YES1: variants seen among roughly 807,000 people sequenced by gnomAD.
YES1 encodes the protein YES proto-oncogene 1, Src family tyrosine kinase.
Under a neutral mutation model 70.4 loss-of-function variants are expected in YES1, and 39 were observed. That is an observed-to-expected ratio of 0.55 (90% CI 0.43 to 0.72). The LOEUF is 0.72. Among genes scored for constraint, YES1 ranks in the 30% least tolerant of loss-of-function variants. The probability of loss-of-function intolerance (pLI) is 0.00; values close to 1 mark genes in which losing one functional copy is unlikely to be tolerated. For missense variants in YES1, 495 were observed against 644.8 expected, an observed-to-expected ratio of 0.77 and a Z score of 2.52; for synonymous variants, 198 against 218.6, an observed-to-expected ratio of 0.91 and a Z score of 0.83.
rs868296181 is a variant in YES1, at chr18:732,450, A to C, written c.1423+384T>G. Among the ~76,000 whole-genome samples, 1,239 of 146,640 alleles carry C rather than the reference A, an allele frequency of 8.4e-3. 18 individuals carry two copies. Among genetic ancestry groups the C allele is most frequent in the African/African-American group, 0.029 (1,152 of 39,526 alleles). On this transcript the variant is annotated intron_variant, in intron 11 of 11. Transcript: ENST00000314574. ...AGACTGTGTTTAAAAAAAAAAAAAA[A>C]AAAAAAACAAAACACCAATCACACT...
At position 759,547 on chromosome 18, in the gene YES1, T is replaced by C. The variant is rs560792970; in HGVS notation, c.-8-2712A>G. Among the ~76,000 whole-genome samples the C allele has an allele frequency of 1.2e-3, 190 of 152,288 alleles. 2 individuals are homozygous for C. Among genetic ancestry groups the C allele is most frequent in the African/African-American group, 4.4e-3 (184 of 41,554 alleles). On this transcript the variant is annotated intron_variant, in intron 1 of 11. Coordinates refer to ENST00000314574, the MANE Select transcript of YES1 (RefSeq NM_005433.4). ...TTTGTATCTATGAGTTCTGCATCCA[T>C]GGATTCAGCCAAGATTCAAAAGTTT... is the stretch of plus-strand genomic sequence containing the variant.
intron 1 of YES1, among the ~76,000 whole-genome samples, chr18:795,687 T>A (rs535175889): frequency 1.5e-5 from 2 of 131,268 alleles, no homozygotes; most frequent in South Asian, 2.2e-4. Flanking sequence ...TTCTCACTTA[T>A]AAGTGGGAGA....
intron 2 of YES1, among the ~76,000 whole-genome samples, chr18:752,222 C>T (rs1484537035): frequency 6.6e-6 from 1 of 152,222 alleles, no homozygotes; most frequent in Non-Finnish European, 1.5e-5. Flanking sequence ...ATTCTCATGC[C>T]TCAGCTTCCC....
chr18:764,254 C>T (rs560612815), intron 1 of YES1, among the ~76,000 whole-genome samples: 1 of 152,258 alleles, frequency 6.6e-6, no homozygotes, highest in East Asian at 1.9e-4. Context: ...CTGAGTCTCA[C>T]TCTTGTTGCC....
chr18:767,636 G>A (rs1181428505), intron 1 of YES1, among the ~76,000 whole-genome samples: 1 of 152,110 alleles, frequency 6.6e-6, no homozygotes, highest in Non-Finnish European at 1.5e-5. Flanking sequence ...TGTCAATGAC[G>A]ATAGTCGTCA....
At chr18:772,685 G>A (rs994827597) in intron 1 of YES1, among the ~76,000 whole-genome samples, 1 of 152,098 alleles carries the variant, frequency 6.6e-6, no homozygotes, top group African/African-American at 2.4e-5. Flanking sequence ...ACCTGCCTCG[G>A]CCTCTCAAAG....
chr18:773,681 T>C (rs934235840), intron 1 of YES1, among the ~76,000 whole-genome samples: 5 of 152,234 alleles, frequency 3.3e-5, no homozygotes, highest in Non-Finnish European at 7.3e-5. Flanking sequence ...GCTTCTTTTC[T>C]TTCCACATAA....
intron 1 of YES1, among the ~76,000 whole-genome samples, chr18:764,579 G>A (rs139569872): frequency 6.6e-6 from 1 of 152,222 alleles, no homozygotes; most frequent in East Asian, 1.9e-4. Context: ...AGAGGACAGA[G>A]GAAAAGATTT....
At chr18:798,863 T>C (rs959342939) in intron 1 of YES1, among the ~76,000 whole-genome samples, 1 of 152,220 alleles carries the variant, frequency 6.6e-6, no homozygotes, top group East Asian at 1.9e-4. Context: ...CTGTCTTTCC[T>C]GCTACTTTTA....
At chr18:785,750 G>C (rs1471425377) in intron 1 of YES1, among the ~76,000 whole-genome samples, 1 of 151,064 alleles carries the variant, frequency 6.6e-6, no homozygotes, top group African/African-American at 2.4e-5. Context: ...ACCAGTCTAA[G>C]CCCAGTGAGA....
chr18:742,222 GAA>G (rs1484217332), intron 8 of YES1, among the ~76,000 whole-genome samples: 1 of 152,124 alleles, frequency 6.6e-6, no homozygotes, highest in Non-Finnish European at 1.5e-5. Flanking sequence ...GGAAAAAGAG[GAA>G]AGAGTATCAA....
chr18:732,960 T>G lies in YES1; in HGVS notation c.1297A>C (p.Lys433Gln). Residue 433 changes from lysine (K) to glutamine (Q), a missense_variant, in exon 11 of 12, where the codon AAA (lysine) becomes CAA (glutamine). Physicochemically the swap from Lys to Gln is moderately conservative, Grantham distance 53. Transcript: ENST00000314574. ...GGAGCTGTCCATTTGATTGGAAATTTTGCACCTAAAATAATGTTGACCATC... is the reference window on the plus strand; with the variant it reads ...GGAGCTGTCCATTTGATTGGAAATTGTGCACCTAAAATAATGTTGACCATC... ...DNEYTARQGA[K>Q]FPIKWTAPEA... The G allele has an allele frequency of 6.2e-7, 1 of 1,614,152 alleles. No homozygotes were observed. Among genetic ancestry groups the G allele is most frequent in the Non-Finnish European group, 8.5e-7 (1 of 1,180,010 alleles).
intron 1 of YES1, among the ~76,000 whole-genome samples, chr18:811,534 G>A (rs1434154995): frequency 6.6e-6 from 1 of 152,152 alleles, no homozygotes; most frequent in Non-Finnish European, 1.5e-5. Flanking sequence ...GCATGATTCC[G>A]TAAAAGTGGA....
chr18:745,106 C>T (rs2080264030), intron 6 of YES1, among the ~76,000 whole-genome samples: 1 of 152,058 alleles, frequency 6.6e-6, no homozygotes, highest in African/African-American at 2.4e-5. Context: ...GGAAACATCC[C>T]CTCTCCTAGT....
chr18:773,204 CA>C (rs1905232308), intron 1 of YES1, among the ~76,000 whole-genome samples: 1 of 152,178 alleles, frequency 6.6e-6, no homozygotes, highest in Non-Finnish European at 1.5e-5. Flanking sequence ...GAGATGAAGT[CA>C]AAAATCTGGA....
At chr18:746,957 G>C (rs2080288056) in intron 4 of YES1, among the ~76,000 whole-genome samples, 1 of 152,074 alleles carries the variant, frequency 6.6e-6, no homozygotes, top group Admixed American at 6.6e-5. Flanking sequence ...ATTGTAAGTT[G>C]CAAACATGCT....
intron 1 of YES1, among the ~76,000 whole-genome samples, chr18:761,376 C>T (rs1482798304): frequency 6.6e-6 from 1 of 151,872 alleles, no homozygotes; most frequent in African/African-American, 2.4e-5. Flanking sequence ...TTTGAAAGAA[C>T]AGCAGTTGTA....
intron 1 of YES1, among the ~76,000 whole-genome samples, chr18:800,919 G>A (rs546160181): frequency 1.9e-4 from 29 of 152,146 alleles, no homozygotes; most frequent in Admixed American, 1.4e-3. Flanking sequence ...AGGCCAAGGC[G>A]GGTGGATCAC....
chr18:732,790 A>T, intron 11 of YES1, 44 bp downstream of exon 11: 1 of 1,613,328 alleles, frequency 6.2e-7, no homozygotes, highest in South Asian at 1.1e-5. Flanking sequence ...ACTCCTGATA[A>T]AGCCACTCAT....
Sources: gnomAD v4.1 joint callset for allele counts (sites outside exome capture counted in the v4.1 genomes callset) on GRCh38, gnomAD v4.1.1 for gene constraint, MANE v1.5 for transcripts, NCBI Gene and HGNC (gene_info 2026-07-23, HGNC 2026-07-21) for gene names.